OR52B4: variants seen among roughly 807,000 people sequenced by gnomAD.
OR52B4 encodes olfactory receptor family 52 subfamily B member 4, also known as olfactory receptor 52B4.
For synonymous variants in OR52B4, 182 were observed against 142.3 expected, an observed-to-expected ratio of 1.28 and a Z score of -1.98; for missense variants, 450 against 387.0, an observed-to-expected ratio of 1.16 and a Z score of -1.36.
Position 4,367,417 on chromosome 11 carries a change from A to T in OR52B4, c.879T>A (p.Ile293=). The T allele has an allele frequency of 6.2e-7, 1 of 1,613,828 alleles. No homozygotes were observed. The highest frequency in any genetic ancestry group is 2.2e-5 in the East Asian group (1 of 44,862). ...GGATTTGCTTGGTTTTGATCCCATA[A>T]ATAATGGGATTCAGCATAGGTGGAG... is the stretch of plus-strand genomic sequence containing the variant. ...ILAPPMLNPI[I]YGIKTKQIQE... The change falls in exon 1 of 1, where the codon ATT becomes ATA. Residue 293 remains isoleucine (I), a synonymous_variant. Transcript: ENST00000624801.
Position 4,367,277 on chromosome 11 carries a change from C to T in OR52B4, c.*74G>A, listed in dbSNP as rs371433537. 7.9e-6 allele frequency: 7 copies of T among 885,346 alleles called. No homozygotes were observed. In the Admixed American group the frequency reaches 1.4e-4, roughly 18 times the overall value. The allele number at this position is 885,346 out of a possible 1,614,324, so 54.8% of individuals were successfully genotyped here. On this transcript the variant is annotated 3_prime_UTR_variant, in exon 1 of 1. Transcript: ENST00000624801. Reference sequence around the variant, plus strand: ...GTTATTTCCTACGGTATCAGCTGACCTCTCCCATCTACCACTTTCATACCC... The same window carrying T: ...GTTATTTCCTACGGTATCAGCTGACTTCTCCCATCTACCACTTTCATACCC...
rs554653438 is a variant in OR52B4 at position 4,368,116 on chromosome 11, G to A, written c.180C>T (p.Pro60=). ...CCAGCATGCAGAGGAAGAGGTACAT[G>A]GGTTCATGGAGGCTGCGCTTTGTGA... ...IILTKRSLHE[P]MYLFLCMLAG... is the part of the protein sequence containing the mutation. Residue 60 remains proline, a synonymous_variant, in exon 1 of 1, where the codon CCC becomes CCT. Transcript: ENST00000624801. 51 of 1,613,858 alleles carry A rather than the reference G, an allele frequency of 3.2e-5. No homozygotes were observed. Among genetic ancestry groups the A allele is most frequent in the Non-Finnish European group, 4.3e-5 (51 of 1,179,980 alleles).
chr11:4,367,457 T>C lies in OR52B4; in HGVS notation c.839A>G (p.Asn280Ser). The change falls in exon 1 of 1, where the codon AAT (asparagine) becomes AGT (serine). Residue 280 changes from asparagine to serine, a missense_variant. Physicochemically the swap from Asn to Ser is conservative, Grantham distance 46 (BLOSUM62 1). Coordinates refer to ENST00000624801, the MANE Select transcript of OR52B4 (RefSeq NM_001005161.3). Reference protein sequence around the residue: ...IPPCIHIPLANVCILAPPMLN... With the variant: ...IPPCIHIPLASVCILAPPMLN... ...CATAGGTGGAGCCAGAATGCAGACA[T>C]TAGCCAACGGGATGTGGATACAAGG... The C allele has an allele frequency of 1.2e-6, 2 of 1,613,952 alleles. No homozygotes were observed. The highest frequency in any genetic ancestry group is 1.7e-6 in the Non-Finnish European group (2 of 1,179,874).
At position 4,367,943 on chromosome 11, in the gene OR52B4, A is replaced by G; in HGVS notation, c.353T>C (p.Leu118Pro). 1.9e-6 allele frequency: 3 copies of G among 1,614,082 alleles called. No individual in the cohort carries two copies. The highest frequency in any genetic ancestry group is 2.5e-6 in the Non-Finnish European group (3 of 1,179,990). The change falls in exon 1 of 1, where the codon CTG becomes CCG. Residue 118 changes from leucine to proline, a missense_variant. Coordinates refer to ENST00000624801, the MANE Select transcript of OR52B4 (RefSeq NM_001005161.3). ...AATATAGTGGTCAAAGGCCATCACC[A>G]GCAAGATCCCTGACTCAGAGATGAA... Reference protein sequence around the residue: ...STFISESGILLVMAFDHYIAI... With the variant: ...STFISESGILPVMAFDHYIAI...
At position 4,368,233 on chromosome 11, in the gene OR52B4, G is replaced by C. The variant is rs200393131; in HGVS notation, c.63C>G (p.Gly21=). The part of the protein sequence containing the change: ...HTVFHLLGIP[G]LQDQHMWISI... ...AAATCCACATGTGCTGGTCCTGTAG[G>C]CCAGGGATGCCCAGCAAGTGGAAGA... Residue 21 remains glycine, a synonymous_variant, in exon 1 of 1, where the codon GGC becomes GGG. Transcript: ENST00000624801. 26 of 1,613,676 alleles carry C rather than the reference G, an allele frequency of 1.6e-5. No homozygotes were observed. The Middle Eastern group carries it at 4.9e-4, about 31-fold the overall frequency.
At position 4,367,689 on chromosome 11, in the gene OR52B4, A is replaced by G; in HGVS notation, c.607T>C (p.Ser203Pro). ...DIRINIWYGF[S>P]ILMSTVVLDV... is the part of the protein sequence containing the mutation. ...AAGACCACCGTCGACATTAGAATGG[A>G]AAACCCATACCAAATGTTTATTCGA... Residue 203 changes from serine (S) to proline (P), a missense_variant, in exon 1 of 1, where the codon TCC becomes CCC. Coordinates refer to ENST00000624801, the MANE Select transcript of OR52B4 (RefSeq NM_001005161.3). 6.2e-7 allele frequency: 1 copy of G among 1,613,904 alleles called. No homozygotes were observed. Among genetic ancestry groups the G allele is most frequent in the Non-Finnish European group, 8.5e-7 (1 of 1,179,844 alleles).
rs939242388 is a variant in OR52B4, at chr11:4,368,059, G to A, written c.237C>T (p.Thr79=). 2 of 1,614,010 alleles carry A rather than the reference G, an allele frequency of 1.2e-6. No homozygotes were observed. Among genetic ancestry groups the A allele is most frequent in the Admixed American group, 3.3e-5 (2 of 59,974 alleles). ...AGADIVLSTC[T]IPQALAIFWF... is the part of the protein sequence containing the mutation. ...AGAAGATAGCTAAGGCCTGAGGAAT[G>A]GTGCACGTGGAGAGGACAATGTCTG... Residue 79 remains threonine (T), a synonymous_variant, in exon 1 of 1, where the codon ACC becomes ACT. Coordinates refer to ENST00000624801, the MANE Select transcript of OR52B4 (RefSeq NM_001005161.3).
rs188379419 is a variant in OR52B4, at chr11:4,367,590, A to G, written c.706T>C (p.Cys236Arg). 7.1e-3 allele frequency: 11,488 copies of G among 1,614,034 alleles called. 71 individuals carry two copies. Among genetic ancestry groups the G allele is most frequent in the Middle Eastern group, 8.6e-3 (52 of 6,058 alleles). ...CCAAATGTGTTGAGAGCTTTGTGGC[A>G]AGCATCTGGAGAAGGCATGTGGAAG... is the stretch of plus-strand genomic sequence containing the variant. ...AVFHMPSPDACHKALNTFGSH... is the reference protein window; with the variant it reads ...AVFHMPSPDARHKALNTFGSH... Residue 236 changes from cysteine to arginine, a missense_variant, in exon 1 of 1, where the codon TGC becomes CGC. Transcript: ENST00000624801.
In OR52B4 at chr11:4,368,305, G is replaced by A. The variant is rs754040227; in HGVS notation, c.-10C>T. The A allele has an allele frequency of 3.4e-6, 5 of 1,477,006 alleles. No homozygotes were observed. The highest frequency in any genetic ancestry group is 3.8e-6 in the Non-Finnish European group (4 of 1,065,002). The allele number at this position is 1,477,006 out of a possible 1,614,324, so 91.5% of individuals were successfully genotyped here. A position where few individuals can be genotyped will look rare whatever the true frequency, so the allele number is the denominator to read the frequency against. On this transcript the variant is annotated 5_prime_UTR_variant, in exon 1 of 1. Transcript: ENST00000624801. ...GGTTTACAGTAGGCATAGCTGGGGA[G>A]AACTTTCAGAACCTCACCTCCTACT...
In OR52B4 at chr11:4,368,191, A is replaced by G; in HGVS notation, c.105T>C (p.Ile35=). 6.2e-7 allele frequency: 1 copy of G among 1,613,900 alleles called. No homozygotes were observed. Among genetic ancestry groups the G allele is most frequent in the South Asian group, 1.1e-5 (1 of 91,064 alleles). The part of the protein sequence containing the change: ...QHMWISIPFF[I]SYVTALLGNS... ...TCCCAAGAAGGGCGGTGACATAGGA[A>G]ATGAAGAATGGGATAGAAATCCACA... The change falls in exon 1 of 1, where the codon ATT becomes ATC. Residue 35 remains isoleucine, a synonymous_variant. Coordinates refer to ENST00000624801, the MANE Select transcript of OR52B4 (RefSeq NM_001005161.3).
Position 4,368,114 on chromosome 11 carries a change from A to G in OR52B4, c.182T>C (p.Met61Thr), listed in dbSNP as rs375237440. The change falls in exon 1 of 1, where the codon ATG (methionine) becomes ACG (threonine). Residue 61 changes from methionine (M) to threonine (T), a missense_variant. Coordinates refer to ENST00000624801, the MANE Select transcript of OR52B4 (RefSeq NM_001005161.3). ...AGCCAGCATGCAGAGGAAGAGGTACATGGGTTCATGGAGGCTGCGCTTTGT... is the reference window on the plus strand; with the variant it reads ...AGCCAGCATGCAGAGGAAGAGGTACGTGGGTTCATGGAGGCTGCGCTTTGT... ...ILTKRSLHEP[M>T]YLFLCMLAGA... 1.2e-6 allele frequency: 2 copies of G among 1,614,046 alleles called. No homozygotes were observed. Among genetic ancestry groups the G allele is most frequent in the Non-Finnish European group, 1.7e-6 (2 of 1,179,996 alleles).
rs748057263 is a variant in OR52B4, at chr11:4,367,357, C to T, written c.939G>A (p.Gln313=). ...CTCAGTTCTTAAACCAAAGTTATTT[C>T]TGTTTTATAAACAAAAACTGAACCA... ...EQVVQFLFIK[Q]K is the part of the protein sequence containing the mutation. The change falls in exon 1 of 1, where the codon CAG becomes CAA. Residue 313 remains glutamine, a synonymous_variant. Coordinates refer to ENST00000624801, the MANE Select transcript of OR52B4 (RefSeq NM_001005161.3). 1 of 1,595,860 alleles carries T rather than the reference C, an allele frequency of 6.3e-7. No homozygotes were observed.
Position 4,368,286 on chromosome 11 carries a change from CAGTAGGCAT to C in OR52B4, c.1_9del (p.MetProThr1_?3). On this transcript the variant is annotated start_lost and inframe_deletion, in exon 1 of 1. Transcript: ENST00000624801. ...GTGTGGCTAGTGCCACTGTGGTTTA[CAGTAGGCAT>C]AGCTGGGGAGAACTTTCAGAACCTC... is the stretch of plus-strand genomic sequence containing the variant. 1 of 1,602,914 alleles carries C rather than the reference CAGTAGGCAT, an allele frequency of 6.2e-7. No individual in the cohort carries two copies. Among genetic ancestry groups the C allele is most frequent in the Non-Finnish European group, 8.5e-7 (1 of 1,171,672 alleles).
rs1427695482 is a variant in OR52B4, at chr11:4,368,223, G to T, written c.73C>A (p.Gln25Lys). ...AATGGGATAGAAATCCACATGTGCT[G>T]GTCCTGTAGGCCAGGGATGCCCAGC... ...HLLGIPGLQDQHMWISIPFFI... is the reference protein window; with the variant it reads ...HLLGIPGLQDKHMWISIPFFI... The change falls in exon 1 of 1, where the codon CAG becomes AAG. Residue 25 changes from glutamine (Q) to lysine (K), a missense_variant. Physicochemically the swap from Gln to Lys is moderately conservative, Grantham distance 53. Coordinates refer to ENST00000624801, the MANE Select transcript of OR52B4 (RefSeq NM_001005161.3). 1.2e-6 allele frequency: 2 copies of T among 1,613,868 alleles called. No homozygotes were observed. Among genetic ancestry groups the T allele is most frequent in the African/African-American group, 1.3e-5 (1 of 75,024 alleles).
At position 4,367,348 on chromosome 11, in the gene OR52B4, A is replaced by C; in HGVS notation, c.*3T>G. 6.3e-7 allele frequency: 1 copy of C among 1,589,518 alleles called. No homozygotes were observed. On this transcript the variant is annotated 3_prime_UTR_variant, in exon 1 of 1. Transcript: ENST00000624801. Reference sequence around the variant, plus strand: ...TTCTGAAAACTCAGTTCTTAAACCAAAGTTATTTCTGTTTTATAAACAAAA... The same window carrying C: ...TTCTGAAAACTCAGTTCTTAAACCACAGTTATTTCTGTTTTATAAACAAAA...
rs2094936147 is a variant in OR52B4, at chr11:4,367,601, G to A, written c.695C>T (p.Ser232Phe). 6.2e-7 allele frequency: 1 copy of A among 1,614,006 alleles called. No individual in the cohort carries two copies. The highest frequency in any genetic ancestry group is 8.5e-7 in the Non-Finnish European group (1 of 1,179,936). ...GAGAGCTTTGTGGCAAGCATCTGGA[G>A]AAGGCATGTGGAAGACAGCATGGAG... ...LILHAVFHMP[S>F]PDACHKALNT... Residue 232 changes from serine (S) to phenylalanine (F), a missense_variant, in exon 1 of 1, where the codon TCT becomes TTT. By Grantham distance (155) the Ser-to-Phe change is radical (BLOSUM62 -2). Coordinates refer to ENST00000624801, the MANE Select transcript of OR52B4 (RefSeq NM_001005161.3).
In OR52B4 at chr11:4,367,605, G is replaced by A. The variant is rs200224336; in HGVS notation, c.691C>T (p.Pro231Ser). ...GCTTTGTGGCAAGCATCTGGAGAAGGCATGTGGAAGACAGCATGGAGAATC... is the reference window on the plus strand; with the variant it reads ...GCTTTGTGGCAAGCATCTGGAGAAGACATGTGGAAGACAGCATGGAGAATC... ...MLILHAVFHM[P>S]SPDACHKALN... Residue 231 changes from proline (P) to serine (S), a missense_variant, in exon 1 of 1, where the codon CCT becomes TCT. Pro to Ser is a moderately conservative substitution (Grantham distance 74). Transcript: ENST00000624801. 46 of 1,613,850 alleles carry A rather than the reference G, an allele frequency of 2.9e-5. No individual in the cohort carries two copies. Among genetic ancestry groups the A allele is most frequent in the Middle Eastern group, 1.6e-4 (1 of 6,082 alleles).
In OR52B4 at chr11:4,367,702, A is replaced by G; in HGVS notation, c.594T>C (p.Ile198=). Residue 198 remains isoleucine (I), a synonymous_variant, in exon 1 of 1, where the codon ATT becomes ATC. Transcript: ENST00000624801. ...ACATTAGAATGGAAAACCCATACCA[A>G]ATGTTTATTCGAATGTCATTACATG... ...KYACNDIRIN[I]WYGFSILMST... is the part of the protein sequence containing the mutation. 6.2e-7 allele frequency: 1 copy of G among 1,613,838 alleles called. No homozygotes were observed. The highest frequency in any genetic ancestry group is 8.5e-7 in the Non-Finnish European group (1 of 1,179,764).
Position 4,367,700 on chromosome 11 carries a change from C to G in OR52B4, c.596G>C (p.Trp199Ser), listed in dbSNP as rs1333881448. The change falls in exon 1 of 1, where the codon TGG becomes TCG. Residue 199 changes from tryptophan (W) to serine (S), a missense_variant. Trp to Ser is a radical substitution (Grantham distance 177). Coordinates refer to ENST00000624801, the MANE Select transcript of OR52B4 (RefSeq NM_001005161.3). ...YACNDIRINI[W>S]YGFSILMSTV... ...CGACATTAGAATGGAAAACCCATACCAAATGTTTATTCGAATGTCATTACA... is the reference window on the plus strand; with the variant it reads ...CGACATTAGAATGGAAAACCCATACGAAATGTTTATTCGAATGTCATTACA... 2 of 1,613,610 alleles carry G rather than the reference C, an allele frequency of 1.2e-6. No homozygotes were observed. Among genetic ancestry groups the G allele is most frequent in the Non-Finnish European group, 8.5e-7 (1 of 1,179,664 alleles).
Sources: gnomAD v4.1 joint callset for allele counts on GRCh38, gnomAD v4.1.1 for gene constraint, MANE v1.5 for transcripts, NCBI Gene and HGNC (gene_info 2026-07-23, HGNC 2026-07-21) for gene names.